Variants in LRGUK observed in about 807,000 individuals in gnomAD.
The protein encoded by LRGUK is leucine-rich repeat and guanylate kinase domain-containing protein.
In LRGUK, 65 loss-of-function variants were observed where a neutral mutation model predicts 76.0. That is an observed-to-expected ratio of 0.85 (90% confidence interval 0.70 to 1.05). LRGUK has a LOEUF of 1.05. Ranked by LOEUF, LRGUK falls within the 50% of genes least tolerant of loss-of-function variation. The pLI is 0.00. For missense variants in LRGUK, 758 were observed against 732.8 expected, an observed-to-expected ratio of 1.03 and a Z score of -0.40; for synonymous variants, 268 against 265.6, an observed-to-expected ratio of 1.01 and a Z score of -0.09.
chr7:134,130,295 C>CG (rs1220155598), intron 1 of LRGUK, among the ~76,000 whole-genome samples: 5 of 152,094 alleles, frequency 3.3e-5, no homozygotes, highest in East Asian at 3.9e-4. Flanking sequence ...CTTCCCCCCC[C>CG]CCCCAGAGGA....
At chr7:134,150,831 T>C (rs1798192444) in intron 5 of LRGUK, among the ~76,000 whole-genome samples, 1 of 151,908 alleles carries the variant, frequency 6.6e-6, no homozygotes, top group Admixed American at 6.6e-5. Context: ...TTAGGGTTTT[T>C]TTTTTCTTGA....
the LRGUK span, among the ~76,000 whole-genome samples, chr7:134,276,615 TAGAA>T: frequency 6.6e-6 from 1 of 151,422 alleles, no homozygotes. Flanking sequence ...TGGTGGAAAA[TAGAA>T]AGGAAAAAAA....
chr7:134,210,153 A>G, exon 16 of LRGUK: 1 of 399,278 alleles, frequency 2.5e-6, no homozygotes, highest in Admixed American at 4.4e-5. Context: ...CCACCTGGGA[A>G]CCACCAGCCA....
intron 2 of LRGUK, among the ~76,000 whole-genome samples, 162 bp from the exon 3 acceptor site, chr7:134,139,274 G>C (rs1258885172): frequency 6.6e-6 from 1 of 151,988 alleles, no homozygotes; most frequent in Non-Finnish European, 1.5e-5. Context: ...TATGGCATCT[G>C]TTTTGAGATC....
intron 4 of LRGUK, among the ~76,000 whole-genome samples, chr7:134,143,661 C>T (rs1038247159): frequency 2.0e-5 from 3 of 152,006 alleles, no homozygotes; most frequent in South Asian, 2.1e-4. Flanking sequence ...ATTTATCTAA[C>T]TTTACTTTTT....
At chr7:134,211,953 T>G (rs1401712471), downstream of LRGUK, among the ~76,000 whole-genome samples, 1 of 152,184 alleles carries the variant, frequency 6.6e-6, no homozygotes, top group Non-Finnish European at 1.5e-5. Context: ...GACTCTGGTC[T>G]AGGACTCTCA....
At position 134,154,747 on chromosome 7, in the gene LRGUK, A is replaced by G. The variant is rs549132390; in HGVS notation, c.671-3288A>G. ...AACCATAGGTATGATTGCAGTGAGC[A>G]TCTGAATTCCTCCTCCTTTCTGTCC... On this transcript the variant is annotated intron_variant, in intron 5 of 15. Coordinates refer to ENST00000645682, the Ensembl canonical transcript of LRGUK. 1.9e-3 allele frequency among the ~76,000 whole-genome samples: 292 copies of G among 152,368 alleles called. 6 individuals are homozygous for G. The highest frequency in any genetic ancestry group is 0.018 in the Admixed American group (275 of 15,302).
At chr7:134,189,146 A>G (rs1379330059) in intron 11 of LRGUK, among the ~76,000 whole-genome samples, 2 of 152,188 alleles carry the variant, frequency 1.3e-5, no homozygotes, top group Non-Finnish European at 2.9e-5. Flanking sequence ...TTCATCTCTA[A>G]CTTAGTCCTT....
At chr7:134,209,448 C>T (rs1801151762) in exon 16 of LRGUK, 10 of 398,964 alleles carry the variant, frequency 2.5e-5, no homozygotes, top group Admixed American at 1.3e-4. Context: ...ATCCCTCACC[C>T]AGAACTGCCA....
intron 1 of LRGUK, among the ~76,000 whole-genome samples, chr7:134,128,264 C>G (rs1797112228): frequency 6.6e-6 from 1 of 152,196 alleles, no homozygotes; most frequent in Non-Finnish European, 1.5e-5. Flanking sequence ...GAACAGCCAG[C>G]TCATTGTGGG....
intron 2 of LRGUK, among the ~76,000 whole-genome samples, chr7:134,137,427 CT>C (rs1554452221): frequency 1.3e-5 from 2 of 152,090 alleles, no homozygotes; most frequent in Non-Finnish European, 2.9e-5. Flanking sequence ...GAATTTGATT[CT>C]GTAAAACCAA....
exon 14 of LRGUK, chr7:134,199,296 A>C: frequency 6.2e-7 from 1 of 1,613,802 alleles, no homozygotes; most frequent in East Asian, 2.2e-5. Flanking sequence ...GAAAAATATG[A>C]GGGATATTTG....
chr7:134,268,271 A>G (rs1802896827), downstream of LRGUK, among the ~76,000 whole-genome samples: 1 of 152,208 alleles, frequency 6.6e-6, no homozygotes, highest in South Asian at 2.1e-4. Flanking sequence ...TACCAATAGT[A>G]TAAATGAAAT....
chr7:134,143,976 T>C (rs73437224), intron 4 of LRGUK, among the ~76,000 whole-genome samples: 19,717 of 152,182 alleles, frequency 0.13, 1,621 homozygotes, highest in East Asian at 0.33. Context: ...GTTCCCACAC[T>C]CTTCTGCACA....
intron 6 of LRGUK, 58 bp from the exon 7 acceptor site, chr7:134,163,339 A>G (rs1414168345): frequency 2.0e-6 from 3 of 1,492,742 alleles, no homozygotes; most frequent in Non-Finnish European, 2.7e-6. Flanking sequence ...AAAACTTGCC[A>G]TTACAACTTT....
At chr7:134,170,221 CATT>C (rs1799184237) in intron 7 of LRGUK, among the ~76,000 whole-genome samples, 1 of 151,994 alleles carries the variant, frequency 6.6e-6, no homozygotes, top group South Asian at 2.1e-4. Context: ...TCGTTGTACT[CATT>C]GTACTTTTGA....
intron 14 of LRGUK, 30 bp downstream of exon 14, chr7:134,199,451 T>G: frequency 6.3e-7 from 1 of 1,574,966 alleles, no homozygotes; most frequent in Non-Finnish European, 8.7e-7. Flanking sequence ...GTTTTGTTTT[T>G]GAAATGTAAG....
intron 16 of LRGUK, among the ~76,000 whole-genome samples, chr7:134,243,730 G>A (rs1166153389): frequency 6.6e-6 from 1 of 152,128 alleles, no homozygotes; most frequent in East Asian, 1.9e-4. Context: ...CCAAAAAAGA[G>A]CCCGCATTGC....
chr7:134,236,763 T>G (rs894437869), intron 16 of LRGUK, among the ~76,000 whole-genome samples: 1 of 152,194 alleles, frequency 6.6e-6, no homozygotes, highest in African/African-American at 2.4e-5. Flanking sequence ...TTCTGAACAG[T>G]TTATCAGGTA....
Sources: gnomAD v4.1 joint callset for allele counts (sites outside exome capture counted in the v4.1 genomes callset) on GRCh38, gnomAD v4.1.1 for gene constraint, MANE v1.5 for transcripts, NCBI Gene and HGNC (gene_info 2026-07-23, HGNC 2026-07-21) for gene names.